FAM184A: variants seen among roughly 807,000 people sequenced by gnomAD.
FAM184A encodes the protein protein FAM184A.
In FAM184A, 99 loss-of-function variants were observed where a neutral mutation model predicts 143.8. That is an observed-to-expected ratio of 0.69 (90% CI 0.58 to 0.81). FAM184A has a LOEUF of 0.81. Ranked by LOEUF, FAM184A falls within the 40% of genes least tolerant of loss-of-function variation. FAM184A has a pLI of 0.00. For missense variants in FAM184A, 1,217 were observed against 1,310.5 expected, an observed-to-expected ratio of 0.93 and a Z score of 1.10; for synonymous variants, 427 against 446.4, an observed-to-expected ratio of 0.96 and a Z score of 0.55.
At chr6:119,017,585 C>T (rs1486155685) in intron 4 of FAM184A, among the ~76,000 whole-genome samples, 1 of 151,916 alleles carries the variant, frequency 6.6e-6, no homozygotes, top group Non-Finnish European at 1.5e-5. Context: ...AAGGATATCA[C>T]TCAATACAAT....
At chr6:119,113,535 A>G (rs1464970504) in intron 1 of FAM184A, among the ~76,000 whole-genome samples, 1 of 151,486 alleles carries the variant, frequency 6.6e-6, no homozygotes. Flanking sequence ...GTCCCCCCTT[A>G]TCTGTGGTTT....
chr6:118,960,017 A>C lies in FAM184A; in HGVS notation c.*86T>G, dbSNP rs1351820266. 7 of 1,006,530 alleles carry C rather than the reference A, an allele frequency of 7.0e-6. No homozygotes were observed. The highest frequency in any genetic ancestry group is 1.0e-5 in the Non-Finnish European group (7 of 678,012). The allele number at this position is 1,006,530 out of a possible 1,614,324, so 62.3% of individuals were successfully genotyped here. The stretch of plus-strand genomic sequence containing the variant: ...AATACTTTCTCATTCACAGTGTTTG[A>C]CATAGGAAAGCCTATTTACATAACA... On this transcript the variant is annotated 3_prime_UTR_variant, in exon 18 of 18. Transcript: ENST00000338891.
chr6:119,088,375 C>G (rs12212619), intron 1 of FAM184A, among the ~76,000 whole-genome samples: 19,056 of 152,174 alleles, frequency 0.13, 1,662 homozygotes, highest in African/African-American at 0.23. Context: ...CATTTATTCA[C>G]TGCTTTCCTC....
In FAM184A at chr6:118,975,982, G is replaced by T; in HGVS notation, c.2518C>A (p.His840Asn). The T allele has an allele frequency of 6.2e-7, 1 of 1,613,454 alleles. No homozygotes were observed. The highest frequency in any genetic ancestry group is 1.1e-5 in the South Asian group (1 of 90,990). Residue 840 changes from histidine (H) to asparagine (N), a missense_variant, in exon 12 of 18, where the codon CAT becomes AAT. Physicochemically the swap from His to Asn is moderately conservative, Grantham distance 68. Transcript: ENST00000338891. ...TTAGCAGCTGCCAATTCTTGATGAT[G>T]ATTATGCCGTAACAAATCAATTGCA... The part of the protein sequence containing the change: ...AAAIDLLRHN[H>N]HQELAAAKME...
At chr6:119,050,544 C>T (rs1345816621) in intron 1 of FAM184A, among the ~76,000 whole-genome samples, 2 of 151,822 alleles carry the variant, frequency 1.3e-5, no homozygotes, top group Non-Finnish European at 2.9e-5. Flanking sequence ...CGGTGGCTCA[C>T]GCCTGTAATC....
rs548892238 is a variant in FAM184A, at chr6:118,960,168, C to T, written c.3358G>A (p.Ala1120Thr). 2.5e-5 allele frequency: 41 copies of T among 1,613,332 alleles called. No homozygotes were observed. In the South Asian group the frequency reaches 3.8e-4, roughly 15 times the overall value. Residue 1120 changes from alanine (A) to threonine (T), a missense_variant, in exon 18 of 18, where the codon GCT becomes ACT. By Grantham distance (58) the Ala-to-Thr change is moderately conservative. Coordinates refer to ENST00000338891, the MANE Select transcript of FAM184A (RefSeq NM_024581.6). ...GGATCTGGAGAAGCCACTGGAGAAG[C>T]TTCACTCTGAGCAGGACTGAATTCA... ...KTFLSPAQSE[A>T]SPVASPDPQR... is the part of the protein sequence containing the mutation.
intron 1 of FAM184A, among the ~76,000 whole-genome samples, chr6:119,112,512 T>C (rs1208030904): frequency 6.6e-6 from 1 of 152,196 alleles, no homozygotes; most frequent in Admixed American, 6.5e-5. Context: ...TGAGATAACA[T>C]TTTTAGTTTT....
rs201494879 is a variant in FAM184A, at chr6:119,055,168, C to G, written c.159+22973G>C. Among the ~76,000 whole-genome samples, 7 of 152,262 alleles carry G rather than the reference C, an allele frequency of 4.6e-5. No individual in the cohort carries two copies. In the East Asian group the frequency reaches 1.3e-3, roughly 29 times the overall value. On this transcript the variant is annotated intron_variant, in intron 1 of 17. Transcript: ENST00000338891. ...ACAATATTTAGCCTTTTGTGTCTGG[C>G]CTCTTTCACTTAGCATAATGTTTTC...
chr6:118,998,816 G>C (rs1365755834), intron 9 of FAM184A, among the ~76,000 whole-genome samples: 1 of 152,222 alleles, frequency 6.6e-6, no homozygotes. Context: ...CCAGAGACCA[G>C]ATCATGAGCG....
intron 1 of FAM184A, among the ~76,000 whole-genome samples, chr6:119,092,768 C>T (rs907857481): frequency 2.0e-5 from 3 of 152,156 alleles, no homozygotes; most frequent in African/African-American, 7.2e-5. Context: ...GGTTCTGGGT[C>T]TGATAACTCA....
chr6:118,993,571 CA>C (rs1469196181), intron 9 of FAM184A, among the ~76,000 whole-genome samples: 6 of 152,154 alleles, frequency 3.9e-5, no homozygotes, highest in African/African-American at 1.4e-4. Flanking sequence ...GTGCCTGGCA[CA>C]GGGTAAATGA....
Position 118,961,742 on chromosome 6 carries a change from T to C in FAM184A, c.3341+19A>G, listed in dbSNP as rs369707094. 1.3e-5 allele frequency: 20 copies of C among 1,593,454 alleles called. No individual in the cohort carries two copies. Among genetic ancestry groups the C allele is most frequent in the African/African-American group, 5.4e-5 (4 of 74,092 alleles). ...AGTTAAAAAAGAAAAGAAAAAAACA[T>C]TGGTGAGACGGGTCTCACCTCAAAA... is the stretch of plus-strand genomic sequence containing the variant. On this transcript the variant is annotated intron_variant, in intron 17 of 17. Transcript: ENST00000338891.
intron 6 of FAM184A, among the ~76,000 whole-genome samples, chr6:119,010,842 C>T (rs931510627): frequency 6.6e-6 from 1 of 152,006 alleles, no homozygotes; most frequent in African/African-American, 2.4e-5. Flanking sequence ...GGAACTTTGC[C>T]GATATGAGAT....
In FAM184A at chr6:119,138,978, A is replaced by G. The variant is rs113987735; in HGVS notation, c.-202+10100T>C. Among the ~76,000 whole-genome samples the G allele has an allele frequency of 9.6e-3, 1,468 of 152,188 alleles. 31 individuals are homozygous for G. The highest frequency in any genetic ancestry group is 0.034 in the African/African-American group (1,427 of 41,516). ...TATATCAGGCCTACCGGAATAATCT[A>G]AAAAACCTCCCCATCTCAAGATCCT... On this transcript the variant is annotated intron_variant, in intron 1 of 16. Coordinates refer to the FAM184A transcript ENST00000352896.
chr6:119,029,427 A>T (rs781028538), intron 1 of FAM184A, among the ~76,000 whole-genome samples: 3 of 152,124 alleles, frequency 2.0e-5, no homozygotes, highest in Non-Finnish European at 4.4e-5. Flanking sequence ...TCCTTTAATG[A>T]GTCTTCCATG....
intron 12 of FAM184A, 57 bp downstream of exon 12, chr6:118,975,860 A>T: frequency 6.6e-7 from 1 of 1,511,406 alleles, no homozygotes; most frequent in East Asian, 2.3e-5. Context: ...GGAAATTATG[A>T]ACATTCAATC....
At chr6:119,059,874 C>A (rs910671726) in intron 1 of FAM184A, among the ~76,000 whole-genome samples, 1 of 152,114 alleles carries the variant, frequency 6.6e-6, no homozygotes, top group Non-Finnish European at 1.5e-5. Context: ...CAGAAAAGCA[C>A]ATTTTAATAT....
At chr6:119,099,084 T>C (rs988838981) in intron 1 of FAM184A, among the ~76,000 whole-genome samples, 2 of 152,128 alleles carry the variant, frequency 1.3e-5, no homozygotes, top group African/African-American at 4.8e-5. Context: ...CACTCCAGCC[T>C]AGGCAACAAG....
upstream of FAM184A, among the ~76,000 whole-genome samples, chr6:119,081,873 G>A (rs9885892): frequency 0.014 from 2,170 of 152,180 alleles, 52 homozygotes; most frequent in African/African-American, 0.049. Context: ...TGCTCCTCTT[G>A]GCATCCAGCC....
Sources: gnomAD v4.1 joint callset for allele counts (sites outside exome capture counted in the v4.1 genomes callset) on GRCh38, gnomAD v4.1.1 for gene constraint, MANE v1.5 for transcripts, NCBI Gene and HGNC (gene_info 2026-07-23, HGNC 2026-07-21) for gene names.